CADPS: variants seen among roughly 807,000 people sequenced by gnomAD.
CADPS encodes calcium-dependent secretion activator 1.
In CADPS, 57 loss-of-function variants were observed where a neutral mutation model predicts 167.3. That is an observed-to-expected ratio of 0.34 (90% CI 0.28 to 0.42). The LOEUF (loss-of-function observed/expected upper bound fraction) is 0.42. Ranked by LOEUF, CADPS falls within the 20% of genes least tolerant of loss-of-function variation. The probability of loss-of-function intolerance (pLI) is 1.00; values close to 1 mark genes in which losing one functional copy is unlikely to be tolerated. For synonymous variants in CADPS, 676 were observed against 635.3 expected, an observed-to-expected ratio of 1.06 and a Z score of -0.96; for missense variants, 1,414 against 1,738.1, an observed-to-expected ratio of 0.81 and a Z score of 3.32.
chr3:62,466,979 C>G (rs949646429), intron 24 of CADPS, among the ~76,000 whole-genome samples: 13 of 152,306 alleles, frequency 8.5e-5, no homozygotes, highest in Middle Eastern at 3.4e-3. Flanking sequence ...ACTCTTGTGG[C>G]AAGCCACTCA....
At chr3:62,447,768 G>T (rs1466805312) in intron 26 of CADPS, among the ~76,000 whole-genome samples, 1 of 152,178 alleles carries the variant, frequency 6.6e-6, no homozygotes. Flanking sequence ...GGGATTTGAG[G>T]CAGGCTCTCC....
chr3:62,752,211 A>G (rs552750579), intron 3 of CADPS, among the ~76,000 whole-genome samples: 7 of 152,258 alleles, frequency 4.6e-5, no homozygotes, highest in South Asian at 4.2e-4. Context: ...TAAAACTGCT[A>G]CATGGTGGGA....
chr3:62,786,581 G>A (rs2092450769), intron 1 of CADPS, among the ~76,000 whole-genome samples: 1 of 152,114 alleles, frequency 6.6e-6, no homozygotes, highest in Non-Finnish European at 1.5e-5. Flanking sequence ...GGAGTTCGAG[G>A]TTAAAGTGAG....
chr3:62,784,415 T>C (rs573346456), intron 1 of CADPS, among the ~76,000 whole-genome samples: 2 of 152,242 alleles, frequency 1.3e-5, no homozygotes, highest in Admixed American at 1.3e-4. Context: ...TTTATAGGCT[T>C]TTTCCAGCTA....
At chr3:62,415,186 T>C (rs1424956481) in intron 28 of CADPS, among the ~76,000 whole-genome samples, 1 of 151,000 alleles carries the variant, frequency 6.6e-6, no homozygotes, top group East Asian at 2.0e-4. Flanking sequence ...TCTCTGAATA[T>C]ATAAATTGCA....
intron 1 of CADPS, chr3:62,779,814 A>G: frequency 8.0e-6 from 2 of 248,958 alleles, no homozygotes; most frequent in South Asian, 5.1e-5. Context: ...TGAGAAGGAA[A>G]CTAGATTTTT....
At chr3:62,628,691 A>G (rs1326666288) in intron 6 of CADPS, among the ~76,000 whole-genome samples, 2 of 150,806 alleles carry the variant, frequency 1.3e-5, no homozygotes, top group African/African-American at 4.9e-5. Context: ...CAGTAGTGCA[A>G]TCTTGGCTCA....
At chr3:62,513,895 G>A (rs150196075) in intron 16 of CADPS, among the ~76,000 whole-genome samples, 2,099 of 152,042 alleles carry the variant, frequency 0.014, 28 homozygotes, top group Middle Eastern at 0.048. Flanking sequence ...TCAGCATGCC[G>A]TGAGTCACGA....
chr3:62,572,476 T>C (rs2081468939), intron 8 of CADPS, among the ~76,000 whole-genome samples: 1 of 152,164 alleles, frequency 6.6e-6, no homozygotes, highest in South Asian at 2.1e-4. Context: ...GCTTACCACC[T>C]GCAAATCTTA....
chr3:62,572,177 G>A (rs1276970674), intron 8 of CADPS, among the ~76,000 whole-genome samples: 1 of 152,108 alleles, frequency 6.6e-6, no homozygotes, highest in Non-Finnish European at 1.5e-5. Context: ...ACAAATTTCA[G>A]GGGCCCTTAA....
chr3:62,641,174 A>G, intron 6 of CADPS, among the ~76,000 whole-genome samples: 1 of 152,194 alleles, frequency 6.6e-6, no homozygotes, highest in East Asian at 1.9e-4. Context: ...CCATGAATGG[A>G]AGGTAAGCGT....
At chr3:62,408,366 T>A (rs1005983076) in intron 28 of CADPS, among the ~76,000 whole-genome samples, 1 of 152,194 alleles carries the variant, frequency 6.6e-6, no homozygotes, top group Non-Finnish European at 1.5e-5. Context: ...ATGTTATTTA[T>A]CTTGGTTACT....
intron 8 of CADPS, among the ~76,000 whole-genome samples, chr3:62,572,492 C>A (rs1178729276): frequency 6.6e-6 from 1 of 152,102 alleles, no homozygotes; most frequent in Non-Finnish European, 1.5e-5. Flanking sequence ...TCTTATCATG[C>A]CTTTTCCAAG....
At chr3:62,738,084 T>C (rs1207109863) in intron 3 of CADPS, among the ~76,000 whole-genome samples, 3 of 152,174 alleles carry the variant, frequency 2.0e-5, no homozygotes, top group Non-Finnish European at 4.4e-5. Flanking sequence ...TCAATTCACA[T>C]TGAATAAGTG....
chr3:62,577,942 CA>C (rs2082615455), intron 8 of CADPS, among the ~76,000 whole-genome samples: 1 of 151,962 alleles, frequency 6.6e-6, no homozygotes, highest in African/African-American at 2.4e-5. Context: ...AAAAAGGTAA[CA>C]AAGATCAGAT....
chr3:62,549,181 A>T (rs771690169), intron 11 of CADPS, among the ~76,000 whole-genome samples: 20 of 152,238 alleles, frequency 1.3e-4, no homozygotes, highest in Non-Finnish European at 2.9e-4. Context: ...ACGAAAATGA[A>T]TTACTTTATT....
At chr3:62,685,277 C>T (rs1325255310) in intron 3 of CADPS, among the ~76,000 whole-genome samples, 1 of 151,906 alleles carries the variant, frequency 6.6e-6, no homozygotes, top group Admixed American at 6.6e-5. Flanking sequence ...CCTAGCTGGC[C>T]TGGTAACACC....
chr3:62,816,128 C>G (rs1266522129), intron 1 of CADPS, among the ~76,000 whole-genome samples: 1 of 152,054 alleles, frequency 6.6e-6, no homozygotes, highest in African/African-American at 2.4e-5. Context: ...GCTATGAATA[C>G]TTAGCATATT....
At chr3:62,801,688 G>T (rs565442585) in intron 1 of CADPS, among the ~76,000 whole-genome samples, 2 of 152,138 alleles carry the variant, frequency 1.3e-5, no homozygotes, top group African/African-American at 4.8e-5. Context: ...GCCAGGTGTT[G>T]TTCACAAATC....
Sources: allele counts gnomAD v4.1 joint callset (sites outside exome capture counted in the v4.1 genomes callset), GRCh38; gene constraint gnomAD v4.1.1; transcripts MANE v1.5; gene names NCBI Gene and HGNC (gene_info 2026-07-23, HGNC 2026-07-21).